Variants in PDSS2 observed in about 807,000 individuals in gnomAD.
The protein encoded by PDSS2 is decaprenyl diphosphate synthase subunit 2.
In PDSS2, 31 loss-of-function variants were observed where a neutral mutation model predicts 44.5. That is an observed-to-expected ratio of 0.70 (90% confidence interval 0.52 to 0.94). The LOEUF (loss-of-function observed/expected upper bound fraction) is 0.94, where lower values mean the gene tolerates loss of function less well. PDSS2 is among the 40% of genes least tolerant of loss of function. PDSS2 has a pLI of 0.00. For missense variants in PDSS2, 452 were observed against 482.2 expected (o/e 0.94, Z 0.59); for synonymous variants, 157 against 180.3 (o/e 0.87, Z 1.03).
chr6:107,207,975 CTTG>C (rs1340553280), intron 6 of PDSS2, among the ~76,000 whole-genome samples: 2 of 68,214 alleles, frequency 2.9e-5, no homozygotes, highest in African/African-American at 1.4e-4. Context: ...CTGTCTATGA[CTTG>C]TTTTTTTTTT....
chr6:107,449,143 A>G (rs1781783904), intron 1 of PDSS2, among the ~76,000 whole-genome samples: 1 of 152,226 alleles, frequency 6.6e-6, no homozygotes, highest in Non-Finnish European at 1.5e-5. Flanking sequence ...CTTTGTATTT[A>G]CACTCCTCCC....
intron 1 of PDSS2, among the ~76,000 whole-genome samples, chr6:107,377,737 G>A (rs1408261971): frequency 6.6e-6 from 1 of 151,964 alleles, no homozygotes; most frequent in Non-Finnish European, 1.5e-5. Context: ...TCCTTTGTAG[G>A]GACATGGATG....
intron 5 of PDSS2, among the ~76,000 whole-genome samples, chr6:107,211,083 G>A (rs1773187776): frequency 6.6e-6 from 1 of 151,812 alleles, no homozygotes; most frequent in African/African-American, 2.4e-5. Flanking sequence ...CTAGTGGGTG[G>A]TGGTCTTTAT....
At position 107,216,441 on chromosome 6, in the gene PDSS2, C is replaced by T. The variant is rs935353618; in HGVS notation, c.703-4159G>A. Among the ~76,000 whole-genome samples, 3 of 152,110 alleles carry T rather than the reference C, an allele frequency of 2.0e-5. No homozygotes were observed. In the East Asian group the frequency reaches 5.8e-4, roughly 29 times the overall value. The stretch of plus-strand genomic sequence containing the variant: ...TGAGCTGAGATTGCGCCACTGCACT[C>T]TAACCTGGACAACAGAGCCAGACTC... On this transcript the variant is annotated intron_variant, in intron 4 of 7. Coordinates refer to ENST00000369037, the MANE Select transcript of PDSS2 (RefSeq NM_020381.4).
intron 4 of PDSS2, 94 bp from the exon 5 acceptor site, chr6:107,212,376 T>C (rs574084229): frequency 1.0e-6 from 1 of 966,414 alleles, no homozygotes; most frequent in Non-Finnish European, 1.5e-6. Context: ...AAACGAACTA[T>C]TCAAAAACAC....
At chr6:107,300,600 C>G (rs1344091419) in intron 2 of PDSS2, among the ~76,000 whole-genome samples, 1 of 152,148 alleles carries the variant, frequency 6.6e-6, no homozygotes. Flanking sequence ...AAGAAATAGT[C>G]AGATCATCTA....
chr6:107,223,472 T>G (rs546357208), intron 4 of PDSS2, among the ~76,000 whole-genome samples: 1 of 150,074 alleles, frequency 6.7e-6, no homozygotes, highest in Admixed American at 6.6e-5. Context: ...GAGGTGGAGG[T>G]TGCAGTGAGC....
intron 1 of PDSS2, among the ~76,000 whole-genome samples, chr6:107,396,959 TG>T (rs1455739889): frequency 6.6e-6 from 1 of 152,130 alleles, no homozygotes; most frequent in Non-Finnish European, 1.5e-5. Flanking sequence ...CCCGAAGTGT[TG>T]GGGTTACAGG....
intron 4 of PDSS2, among the ~76,000 whole-genome samples, chr6:107,220,758 A>G (rs1486970034): frequency 1.3e-5 from 2 of 152,218 alleles, no homozygotes; most frequent in African/African-American, 2.4e-5. Flanking sequence ...ATCTACTACC[A>G]TAAGTTAATT....
At chr6:107,449,573 A>T (rs986628618) in intron 1 of PDSS2, among the ~76,000 whole-genome samples, 5 of 152,136 alleles carry the variant, frequency 3.3e-5, no homozygotes, top group Admixed American at 3.3e-4. Flanking sequence ...GGCTTATTTC[A>T]CTTAGCATAA....
intron 3 of PDSS2, among the ~76,000 whole-genome samples, chr6:107,270,152 A>G (rs1775551135): frequency 6.6e-6 from 1 of 152,012 alleles, no homozygotes; most frequent in African/African-American, 2.4e-5. Context: ...CTTGTTGCCC[A>G]GGCCGGAGTG....
intron 3 of PDSS2, among the ~76,000 whole-genome samples, chr6:107,259,735 G>A (rs1321242318): frequency 1.3e-5 from 2 of 151,774 alleles, no homozygotes; most frequent in South Asian, 2.1e-4. Context: ...CTAGGAATTC[G>A]GTCCACAGAC....
chr6:107,377,318 A>C (rs1779315691), intron 1 of PDSS2, among the ~76,000 whole-genome samples: 1 of 152,220 alleles, frequency 6.6e-6, no homozygotes, highest in Non-Finnish European at 1.5e-5. Flanking sequence ...GAGAAATGCA[A>C]ATCAAAACCA....
At chr6:107,218,627 C>T (rs1773495711) in intron 4 of PDSS2, among the ~76,000 whole-genome samples, 1 of 152,190 alleles carries the variant, frequency 6.6e-6, no homozygotes, top group African/African-American at 2.4e-5. Context: ...GCCTCTGCTG[C>T]ACAATCAGCA....
At chr6:107,440,113 T>C (rs1781471028) in intron 1 of PDSS2, among the ~76,000 whole-genome samples, 2 of 152,216 alleles carry the variant, frequency 1.3e-5, no homozygotes, top group Non-Finnish European at 1.5e-5. Context: ...AGTGTCCCTA[T>C]ATGGTACACT....
intron 2 of PDSS2, among the ~76,000 whole-genome samples, chr6:107,296,300 C>G (rs1776507215): frequency 6.6e-6 from 1 of 152,166 alleles, no homozygotes; most frequent in African/African-American, 2.4e-5. Flanking sequence ...TATGACAGAG[C>G]TGGCATTACG....
chr6:107,349,973 G>A (rs1032222644), intron 1 of PDSS2, among the ~76,000 whole-genome samples: 7 of 152,092 alleles, frequency 4.6e-5, no homozygotes, highest in African/African-American at 1.7e-4. Flanking sequence ...ATCTGGAACC[G>A]TTTCTTAACT....
At chr6:107,261,578 CTTTTTTTTTTT>C (rs36106088) in intron 3 of PDSS2, among the ~76,000 whole-genome samples, 1 of 112,842 alleles carries the variant, frequency 8.9e-6, no homozygotes. Flanking sequence ...TCTTTTCTTT[CTTTTTTTTTTT>C]TTTTTTTGAG....
intron 3 of PDSS2, among the ~76,000 whole-genome samples, chr6:107,257,431 A>G (rs1010012164): frequency 6.6e-6 from 1 of 151,878 alleles, no homozygotes; most frequent in African/African-American, 2.4e-5. Flanking sequence ...CCAGCTACTC[A>G]GGAGGCTGAG....
Sources: gnomAD v4.1 joint callset for allele counts (sites outside exome capture counted in the v4.1 genomes callset) on GRCh38, gnomAD v4.1.1 for gene constraint, MANE v1.5 for transcripts, NCBI Gene and HGNC (gene_info 2026-07-23, HGNC 2026-07-21) for gene names.